The following OR2G3 variants were observed in gnomAD, a reference collection of about 807,000 sequenced individuals.
OR2G3 encodes olfactory receptor 2G3.
For synonymous variants in OR2G3, 154 were observed against 144.5 expected, an observed-to-expected ratio of 1.07 and a Z score of -0.47; for missense variants, 375 against 364.4, an observed-to-expected ratio of 1.03 and a Z score of -0.24.
In OR2G3 at chr1:247,605,792, G is replaced by A. The variant is rs747707292; in HGVS notation, c.207G>A (p.Leu69=). 5.0e-6 allele frequency: 8 copies of A among 1,613,780 alleles called. No homozygotes were observed. The East Asian group carries it at 1.1e-4, about 22-fold the overall frequency. ...MYFFLSNLSL[L]DICFTTSLAP... ...TTTTTCTCAGCAACCTCTCTTTACTGGACATCTGCTTCACTACTAGCCTTG... is the reference window on the plus strand; with the variant it reads ...TTTTTCTCAGCAACCTCTCTTTACTAGACATCTGCTTCACTACTAGCCTTG... Residue 69 remains leucine, a synonymous_variant, in exon 1 of 1, where the codon CTG becomes CTA. Coordinates refer to ENST00000320002, the MANE Select transcript of OR2G3 (RefSeq NM_001001914.1).
rs1405039614 is a variant in OR2G3, at chr1:247,605,801, C to T, written c.216C>T (p.Cys72=). The T allele has an allele frequency of 1.2e-6, 2 of 1,613,886 alleles. No individual in the cohort carries two copies. The highest frequency in any genetic ancestry group is 1.3e-5 in the African/African-American group (1 of 74,938). Residue 72 remains cysteine, a synonymous_variant, in exon 1 of 1, where the codon TGC becomes TGT. Transcript: ENST00000320002. ...GCAACCTCTCTTTACTGGACATCTG[C>T]TTCACTACTAGCCTTGCTCCTCAGA... ...FLSNLSLLDI[C]FTTSLAPQTL...
rs777309430 is a variant in OR2G3, at chr1:247,605,904, C to G, written c.319C>G (p.Leu107Val). The G allele has an allele frequency of 6.2e-7, 1 of 1,614,082 alleles. No homozygotes were observed. Among genetic ancestry groups the G allele is most frequent in the Non-Finnish European group, 8.5e-7 (1 of 1,180,048 alleles). ...GGCGCAACTCTATATTTCTCTGGCA[C>G]TGGGCTCCACTGAATGTATCCTCTT... is the stretch of plus-strand genomic sequence containing the variant. ...CVAQLYISLA[L>V]GSTECILLAD... Residue 107 changes from leucine to valine, a missense_variant, in exon 1 of 1, where the codon CTG becomes GTG. Transcript: ENST00000320002.
rs570832403 is a variant in OR2G3, at chr1:247,606,367, A to G, written c.782A>G (p.Gln261Arg). The change falls in exon 1 of 1, where the codon CAA (glutamine) becomes CGA (arginine). Residue 261 changes from glutamine to arginine, a missense_variant. Gln to Arg is a conservative substitution (Grantham distance 43). Coordinates refer to ENST00000320002, the MANE Select transcript of OR2G3 (RefSeq NM_001001914.1). ...GGCACCATAATCTACGTGTACCTGC[A>G]ACCTAGTGACAGCTATGCCCAGGAC... ...FYGTIIYVYL[Q>R]PSDSYAQDQG... The G allele has an allele frequency of 2.2e-5, 36 of 1,614,162 alleles. No individual in the cohort carries two copies. The South Asian group carries it at 4.0e-4, about 18-fold the overall frequency.
chr1:247,606,008 C>T lies in OR2G3; in HGVS notation c.423C>T (p.Cys141=), dbSNP rs1199567479. The T allele has an allele frequency of 1.2e-6, 2 of 1,614,052 alleles. No individual in the cohort carries two copies. Among genetic ancestry groups the T allele is most frequent in the East Asian group, 4.5e-5 (2 of 44,894 alleles). Residue 141 remains cysteine, a synonymous_variant, in exon 1 of 1, where the codon TGC becomes TGT. Coordinates refer to ENST00000320002, the MANE Select transcript of OR2G3 (RefSeq NM_001001914.1). ...TAGTCATCATGAACCCACGGCTTTG[C>T]CAACAGCTGGCATCTATCTCCTGGC... ...HYVVIMNPRL[C]QQLASISWLS...
Position 247,606,467 on chromosome 1 carries a change from C to T in OR2G3, c.882C>T (p.Asn294=), listed in dbSNP as rs1430394995. The T allele has an allele frequency of 1.9e-6, 3 of 1,612,464 alleles. No individual in the cohort carries two copies. Among genetic ancestry groups the T allele is most frequent in the Non-Finnish European group, 2.5e-6 (3 of 1,179,282 alleles). ...ATCCTATCATCTATACTTTAAGGAA[C>T]AAGGATATGAAAGAGGCTCTGAGGA... is the stretch of plus-strand genomic sequence containing the variant. The part of the protein sequence containing the change: ...TLNPIIYTLR[N]KDMKEALRKL... The change falls in exon 1 of 1, where the codon AAC becomes AAT. Residue 294 remains asparagine, a synonymous_variant. Transcript: ENST00000320002.
rs758302238 is a variant in OR2G3, at chr1:247,605,772, C to A, written c.187C>A (p.Leu63Ile). 3 of 1,613,970 alleles carry A rather than the reference C, an allele frequency of 1.9e-6. No homozygotes were observed. In the African/African-American group the frequency reaches 4.0e-5, roughly 22 times the overall value. Reference protein sequence around the residue: ...PPLHTPMYFFLSNLSLLDICF... With the variant: ...PPLHTPMYFFISNLSLLDICF... ...TCTTCATACCCCAATGTACTTTTTTCTCAGCAACCTCTCTTTACTGGACAT... is the reference window on the plus strand; with the variant it reads ...TCTTCATACCCCAATGTACTTTTTTATCAGCAACCTCTCTTTACTGGACAT... The change falls in exon 1 of 1, where the codon CTC (leucine) becomes ATC (isoleucine). Residue 63 changes from leucine to isoleucine, a missense_variant. Leu to Ile is a conservative substitution (Grantham distance 5, BLOSUM62 2). Coordinates refer to ENST00000320002, the MANE Select transcript of OR2G3 (RefSeq NM_001001914.1).
rs143543114 is a variant in OR2G3, at chr1:247,605,694, C to T, written c.109C>T (p.Leu37=). 5.0e-5 allele frequency: 80 copies of T among 1,613,776 alleles called. No individual in the cohort carries two copies. The highest frequency in any genetic ancestry group is 6.0e-5 in the Non-Finnish European group (71 of 1,179,790). The part of the protein sequence containing the change: ...LFVFVLFFYL[L]TLVGNFTIII... ...TGTATTTGTCCTTTTCTTCTACCTC[C>T]TGACCCTTGTGGGAAACTTCACCAT... Residue 37 remains leucine, a synonymous_variant, in exon 1 of 1, where the codon CTG becomes TTG. Transcript: ENST00000320002.
chr1:247,605,954 C>A lies in OR2G3; in HGVS notation c.369C>A (p.Tyr123Ter). Residue 123 changes from tyrosine to a stop codon, truncating the protein, a stop_gained, in exon 1 of 1, where the codon TAC becomes TAA. Transcript: ENST00000320002. LOFTEE classifies it low-confidence loss of function (END_TRUNC). ...ILLADMALDRYIAVCKPLHYV... is the reference protein window; with the variant it reads ...ILLADMALDR ...TGGCTGACATGGCCTTGGATCGGTA[C>A]ATTGCTGTCTGCAAACCCCTCCACT... The A allele has an allele frequency of 6.2e-7, 1 of 1,614,162 alleles. No homozygotes were observed. Among genetic ancestry groups the A allele is most frequent in the Non-Finnish European group, 8.5e-7 (1 of 1,180,036 alleles).
At position 247,606,194 on chromosome 1, in the gene OR2G3, T is replaced by C. The variant is rs771112376; in HGVS notation, c.609T>C (p.Ser203=). ...ATGAATTGGTGCTTTTTGTTGTTAG[T>C]GTTCTGTTTGTTGTCATTCCACCAG... ...TVNELVLFVV[S]VLFVVIPPAL... is the part of the protein sequence containing the mutation. The change falls in exon 1 of 1, where the codon AGT becomes AGC. Residue 203 remains serine, a synonymous_variant. Transcript: ENST00000320002. The C allele has an allele frequency of 3.7e-6, 6 of 1,614,226 alleles. No individual in the cohort carries two copies. Among genetic ancestry groups the C allele is most frequent in the South Asian group, 2.2e-5 (2 of 91,090 alleles).
In OR2G3 at chr1:247,605,662, TTC is replaced by T. The variant is rs1558274992; in HGVS notation, c.81_82del (p.Phe28CysfsTer48). On this transcript the variant is annotated frameshift_variant, in exon 1 of 1. Transcript: ENST00000320002. LOFTEE classifies it low-confidence loss of function (END_TRUNC). ...TCAGACCACCCTCGTCTGGAGGCTG[TTC>T]TCTTTGTATTTGTCCTTTTCTTCTA... The T allele has an allele frequency of 6.2e-7, 1 of 1,613,592 alleles. No individual in the cohort carries two copies. Among genetic ancestry groups the T allele is most frequent in the Admixed American group, 1.7e-5 (1 of 60,016 alleles).
chr1:247,605,684 C>T lies in OR2G3; in HGVS notation c.99C>T (p.Phe33=). ...LEAVLFVFVL[F]FYLLTLVGNF... is the part of the protein sequence containing the mutation. ...CTGTTCTCTTTGTATTTGTCCTTTT[C>T]TTCTACCTCCTGACCCTTGTGGGAA... The change falls in exon 1 of 1, where the codon TTC becomes TTT. Residue 33 remains phenylalanine, a synonymous_variant. Coordinates refer to ENST00000320002, the MANE Select transcript of OR2G3 (RefSeq NM_001001914.1). 6.2e-7 allele frequency: 1 copy of T among 1,613,822 alleles called. No individual in the cohort carries two copies. Among genetic ancestry groups the T allele is most frequent in the South Asian group, 1.1e-5 (1 of 91,080 alleles).
At position 247,606,493 on chromosome 1, in the gene OR2G3, A is replaced by G; in HGVS notation, c.908A>G (p.Lys303Arg). 1.2e-6 allele frequency: 2 copies of G among 1,602,272 alleles called. No individual in the cohort carries two copies. The highest frequency in any genetic ancestry group is 1.7e-6 in the Non-Finnish European group (2 of 1,175,014). ...AAGGATATGAAAGAGGCTCTGAGGA[A>G]ACTTCTCTCGGGAAAATTGTGATTC... ...RNKDMKEALR[K>R]LLSGKL is the part of the protein sequence containing the mutation. The change falls in exon 1 of 1, where the codon AAA (lysine) becomes AGA (arginine). Residue 303 changes from lysine (K) to arginine (R), a missense_variant. Physicochemically the swap from Lys to Arg is conservative, Grantham distance 26. Transcript: ENST00000320002.
At position 247,606,448 on chromosome 1, in the gene OR2G3, T is replaced by C; in HGVS notation, c.863T>C (p.Ile288Thr). Reference protein sequence around the residue: ...YTMVTPTLNPIIYTLRNKDMK... With the variant: ...YTMVTPTLNPTIYTLRNKDMK... ...ATGGTGACCCCCACTTTAAATCCTATCATCTATACTTTAAGGAACAAGGAT... is the reference window on the plus strand; with the variant it reads ...ATGGTGACCCCCACTTTAAATCCTACCATCTATACTTTAAGGAACAAGGAT... Residue 288 changes from isoleucine to threonine, a missense_variant, in exon 1 of 1, where the codon ATC (isoleucine) becomes ACC (threonine). Physicochemically the swap from Ile to Thr is moderately conservative, Grantham distance 89. Transcript: ENST00000320002. The C allele has an allele frequency of 1.9e-6, 3 of 1,613,614 alleles. No individual in the cohort carries two copies. The highest frequency in any genetic ancestry group is 2.5e-6 in the Non-Finnish European group (3 of 1,179,720).
chr1:247,605,894 T>A lies in OR2G3; in HGVS notation c.309T>A (p.Ile103=), dbSNP rs767493228. ...TYGGCVAQLY[I]SLALGSTECI... is the part of the protein sequence containing the mutation. ...GTGGTTGTGTGGCGCAACTCTATATTTCTCTGGCACTGGGCTCCACTGAAT... is the reference window on the plus strand; with the variant it reads ...GTGGTTGTGTGGCGCAACTCTATATATCTCTGGCACTGGGCTCCACTGAAT... The change falls in exon 1 of 1, where the codon ATT becomes ATA. Residue 103 remains isoleucine, a synonymous_variant. Transcript: ENST00000320002. 6.2e-7 allele frequency: 1 copy of A among 1,614,174 alleles called. No homozygotes were observed. The highest frequency in any genetic ancestry group is 1.1e-5 in the South Asian group (1 of 91,088).
Position 247,605,742 on chromosome 1 carries a change from C to T in OR2G3, c.157C>T (p.Pro53Ser). The T allele has an allele frequency of 6.2e-7, 1 of 1,613,964 alleles. No homozygotes were observed. The highest frequency in any genetic ancestry group is 1.7e-5 in the Admixed American group (1 of 60,006). ...FTIIIISYLD[P>S]PLHTPMYFFL... Reference sequence around the variant, plus strand: ...CATAATCATCATCTCATATCTGGATCCCCCTCTTCATACCCCAATGTACTT... The same window carrying T: ...CATAATCATCATCTCATATCTGGATTCCCCTCTTCATACCCCAATGTACTT... The change falls in exon 1 of 1, where the codon CCC (proline) becomes TCC (serine). Residue 53 changes from proline to serine, a missense_variant. Pro to Ser is a moderately conservative substitution (Grantham distance 74). Coordinates refer to ENST00000320002, the MANE Select transcript of OR2G3 (RefSeq NM_001001914.1).
Position 247,605,601 on chromosome 1 carries a change from G to A in OR2G3, c.16G>A (p.Glu6Lys). 1 of 1,609,728 alleles carries A rather than the reference G, an allele frequency of 6.2e-7. No homozygotes were observed. Among genetic ancestry groups the A allele is most frequent in the Admixed American group, 1.7e-5 (1 of 59,650 alleles). The change falls in exon 1 of 1, where the codon GAG becomes AAG. Residue 6 changes from glutamate (E) to lysine (K), a missense_variant. Coordinates refer to ENST00000320002, the MANE Select transcript of OR2G3 (RefSeq NM_001001914.1). The part of the protein sequence containing the change: MGLGN[E>K]SSLMDFILLG... ...CCCTGGAGGGATGGGATTGGGCAAT[G>A]AGAGTTCCCTAATGGATTTCATCCT...
chr1:247,605,624 C>T lies in OR2G3; in HGVS notation c.39C>T (p.Ile13=), dbSNP rs768217253. ...LGNESSLMDF[I]LLGFSDHPRL... is the part of the protein sequence containing the mutation. ...ATGAGAGTTCCCTAATGGATTTCAT[C>T]CTTCTAGGCTTCTCAGACCACCCTC... Residue 13 remains isoleucine, a synonymous_variant, in exon 1 of 1, where the codon ATC becomes ATT. Coordinates refer to ENST00000320002, the MANE Select transcript of OR2G3 (RefSeq NM_001001914.1). 1.2e-6 allele frequency: 2 copies of T among 1,613,016 alleles called. No homozygotes were observed. Among genetic ancestry groups the T allele is most frequent in the South Asian group, 2.2e-5 (2 of 90,934 alleles).
At position 247,605,704 on chromosome 1, in the gene OR2G3, T is replaced by A; in HGVS notation, c.119T>A (p.Val40Glu). The A allele has an allele frequency of 6.2e-7, 1 of 1,614,044 alleles. No homozygotes were observed. Among genetic ancestry groups the A allele is most frequent in the Non-Finnish European group, 8.5e-7 (1 of 1,179,934 alleles). The change falls in exon 1 of 1, where the codon GTG becomes GAG. Residue 40 changes from valine to glutamate, a missense_variant. Physicochemically the swap from Val to Glu is moderately radical, Grantham distance 121. Transcript: ENST00000320002. The part of the protein sequence containing the change: ...FVLFFYLLTL[V>E]GNFTIIIISY... Reference sequence around the variant, plus strand: ...CTTTTCTTCTACCTCCTGACCCTTGTGGGAAACTTCACCATAATCATCATC... The same window carrying A: ...CTTTTCTTCTACCTCCTGACCCTTGAGGGAAACTTCACCATAATCATCATC...
chr1:247,606,478 A>C lies in OR2G3; in HGVS notation c.893A>C (p.Lys298Thr). 6.2e-7 allele frequency: 1 copy of C among 1,610,106 alleles called. No homozygotes were observed. ...IIYTLRNKDMKEALRKLLSGK... is the reference protein window; with the variant it reads ...IIYTLRNKDMTEALRKLLSGK... ...TATACTTTAAGGAACAAGGATATGA[A>C]AGAGGCTCTGAGGAAACTTCTCTCG... Residue 298 changes from lysine to threonine, a missense_variant, in exon 1 of 1, where the codon AAA becomes ACA. Coordinates refer to ENST00000320002, the MANE Select transcript of OR2G3 (RefSeq NM_001001914.1).
Sources: gnomAD v4.1 joint callset for allele counts on GRCh38, gnomAD v4.1.1 for gene constraint, MANE v1.5 for transcripts, NCBI Gene and HGNC (gene_info 2026-07-23, HGNC 2026-07-21) for gene names.